The following D2HGDH variants were observed in gnomAD, a reference collection of about 807,000 sequenced individuals.
D2HGDH encodes the protein D-2-hydroxyglutarate dehydrogenase, mitochondrial.
D2HGDH carries 31 observed loss-of-function variants against 46.9 expected under a neutral mutation model. That is an observed-to-expected ratio of 0.66 (90% confidence interval 0.50 to 0.89). D2HGDH has a LOEUF of 0.89. D2HGDH is among the 40% of genes least tolerant of loss of function. The pLI is 0.00. For synonymous variants in D2HGDH, 364 were observed against 332.6 expected (o/e 1.09, Z -1.03); for missense variants, 698 against 720.8 (o/e 0.97, Z 0.36).
chr2:241,747,232 G>A (rs1429136485), intron 6 of D2HGDH, among the ~76,000 whole-genome samples: 1 of 152,140 alleles, frequency 6.6e-6, no homozygotes, highest in Non-Finnish European at 1.5e-5. Flanking sequence ...CAGCCTGTGT[G>A]GTCTGTTTTT....
chr2:241,744,130 A>G (rs1695259051), intron 5 of D2HGDH, among the ~76,000 whole-genome samples: 1 of 152,186 alleles, frequency 6.6e-6, no homozygotes, highest in Non-Finnish European at 1.5e-5. Flanking sequence ...AGGCTCATCC[A>G]GGGTCAGCTT....
intron 2 of D2HGDH, 67 bp from the exon 3 acceptor site, chr2:241,740,966 C>T (rs1694297398): frequency 6.0e-6 from 8 of 1,341,486 alleles, no homozygotes; most frequent in South Asian, 1.2e-5. Flanking sequence ...CTCTCTGGGG[C>T]GAGTGACCAC....
At chr2:241,755,473 T>C in intron 8 of D2HGDH, 1 of 1,322,448 alleles carries the variant, frequency 7.6e-7, no homozygotes, top group Non-Finnish European at 1.0e-6. Flanking sequence ...GACCTGAAGC[T>C]GCAGGTGGGC....
At chr2:241,736,111 C>T (rs1274453043) in intron 2 of D2HGDH, 1 of 153,438 alleles carries the variant, frequency 6.5e-6, no homozygotes, top group Admixed American at 6.5e-5. Flanking sequence ...TCTCAGCTGC[C>T]CTGGAGGCTG....
At chr2:241,748,033 G>A (rs1048127657) in intron 6 of D2HGDH, among the ~76,000 whole-genome samples, 4 of 152,194 alleles carry the variant, frequency 2.6e-5, no homozygotes, top group African/African-American at 9.6e-5. Context: ...CCTGCTAGCG[G>A]GGCAAGGGCT....
intron 8 of D2HGDH, among the ~76,000 whole-genome samples, chr2:241,752,702 C>T (rs534367033): frequency 6.9e-4 from 105 of 152,006 alleles, no homozygotes; most frequent in Middle Eastern, 3.4e-3. Flanking sequence ...CTTGGTGGTG[C>T]GGGTGGGGAC....
chr2:241,755,458 G>C (rs1163230191), intron 8 of D2HGDH: 1 of 1,316,278 alleles, frequency 7.6e-7, no homozygotes. Context: ...TCTGTGCCGT[G>C]TCATGACCTG....
At chr2:241,738,422 G>A (rs1323830807) in intron 2 of D2HGDH, among the ~76,000 whole-genome samples, 1 of 152,236 alleles carries the variant, frequency 6.6e-6, no homozygotes, top group African/African-American at 2.4e-5. Flanking sequence ...GCGGGTAAGT[G>A]GGGCAGGAAC....
intron 2 of D2HGDH, among the ~76,000 whole-genome samples, chr2:241,737,521 G>A (rs1693251613): frequency 6.6e-6 from 1 of 151,956 alleles, no homozygotes; most frequent in Non-Finnish European, 1.5e-5. Context: ...ATGGAGTCTT[G>A]CCCTGTCACT....
At chr2:241,752,503 A>G (rs1575294216) in intron 8 of D2HGDH, among the ~76,000 whole-genome samples, 1 of 151,416 alleles carries the variant, frequency 6.6e-6, no homozygotes, top group South Asian at 2.1e-4. Context: ...ACAGAGGCTC[A>G]CCCTCCCTCG....
In D2HGDH at chr2:241,742,039, G is replaced by T. The variant is rs1053333133; in HGVS notation, c.351-396G>T. ...AGGTATCCTTGGGCACACGTCTGGG[G>T]GATAATGGGCCGAGGGTGGGGAGAT... On this transcript the variant is annotated intron_variant, in intron 3 of 9. Transcript: ENST00000321264. The surrounding 1 kb of genome is among the most constrained non-coding windows in gnomAD (Gnocchi z 4.8). Among the ~76,000 whole-genome samples, 1 of 152,172 alleles carries T rather than the reference G, an allele frequency of 6.6e-6. No individual in the cohort carries two copies. The highest frequency in any genetic ancestry group is 2.4e-5 in the African/African-American group (1 of 41,436).
At chr2:241,753,692 G>C (rs996709774) in intron 8 of D2HGDH, among the ~76,000 whole-genome samples, 10 of 152,250 alleles carry the variant, frequency 6.6e-5, no homozygotes, top group African/African-American at 2.4e-4. Flanking sequence ...CGCACCAGAT[G>C]CCCCGGGCTC....
intron 9 of D2HGDH, among the ~76,000 whole-genome samples, chr2:241,763,602 A>G (rs148624242): frequency 6.6e-6 from 1 of 152,274 alleles, no homozygotes; most frequent in East Asian, 1.9e-4. Context: ...TTAACAAGTA[A>G]TTGTGCTACA....
chr2:241,737,894 G>A (rs1338630124), intron 2 of D2HGDH, among the ~76,000 whole-genome samples: 1 of 152,200 alleles, frequency 6.6e-6, no homozygotes, highest in Non-Finnish European at 1.5e-5. Context: ...GCTGTCATTG[G>A]GAAGATCTGG....
chr2:241,762,164 C>T (rs1189741926), intron 9 of D2HGDH, among the ~76,000 whole-genome samples: 4 of 150,164 alleles, frequency 2.7e-5, no homozygotes, highest in Admixed American at 1.3e-4. Flanking sequence ...GTCCGCCTCC[C>T]GGGTTCAGGC....
intron 2 of D2HGDH, among the ~76,000 whole-genome samples, chr2:241,739,300 G>A (rs900132898): frequency 6.6e-6 from 1 of 152,344 alleles, no homozygotes; most frequent in South Asian, 2.1e-4. Context: ...TGCCACAGGC[G>A]CGTCACAAGT....
At chr2:241,740,511 C>T (rs1434527221) in intron 2 of D2HGDH, among the ~76,000 whole-genome samples, 1 of 152,228 alleles carries the variant, frequency 6.6e-6, no homozygotes, top group Non-Finnish European at 1.5e-5. Context: ...CACCACCTCC[C>T]ATGTGGGACC....
Position 241,744,973 on chromosome 2 carries a change from C to CG in D2HGDH, c.853+96_853+97insG, listed in dbSNP as rs1695467709. 2.8e-6 allele frequency: 4 copies of CG among 1,444,850 alleles called. No homozygotes were observed. In the South Asian group the frequency reaches 3.5e-5, roughly 13 times the overall value. 89.5% of individuals were successfully genotyped at this position (1,444,850 alleles called of 1,614,324 possible). A position where few individuals can be genotyped will look rare whatever the true frequency, so the allele number is the denominator to read the frequency against. ...TGGTGTGAGGAAGGGGATGGAGGGACCCCCCGCCAAGGACAGTCGGTTCCC... is the reference window on the plus strand; with the variant it reads ...TGGTGTGAGGAAGGGGATGGAGGGACGCCCCCGCCAAGGACAGTCGGTTCCC... On this transcript the variant is annotated intron_variant, in intron 6 of 9. Transcript: ENST00000321264.
intron 8 of D2HGDH, chr2:241,755,573 G>A (rs1698044581): frequency 6.8e-7 from 1 of 1,460,366 alleles, no homozygotes; most frequent in Non-Finnish European, 9.2e-7. Flanking sequence ...TGCTGTCGTG[G>A]AGCCTGGGAC....
Sources: allele counts gnomAD v4.1 joint callset (sites outside exome capture counted in the v4.1 genomes callset), GRCh38; gene constraint gnomAD v4.1.1; non-coding constraint Gnocchi (gnomAD v3.1); transcripts MANE v1.5; gene names NCBI Gene and HGNC (gene_info 2026-07-23, HGNC 2026-07-21).